Variants in PAX6 observed in about 807,000 individuals in gnomAD.
PAX6 encodes paired box protein Pax-6.
In PAX6, 7 loss-of-function variants were observed where a neutral mutation model predicts 60.7. That is an observed-to-expected ratio of 0.12 (90% CI 0.07 to 0.22). The LOEUF (loss-of-function observed/expected upper bound fraction) is 0.22, where lower values mean the gene tolerates loss of function less well. Ranked by LOEUF, PAX6 falls within the 10% of genes least tolerant of loss-of-function variation. PAX6 has a pLI of 1.00. For missense variants in PAX6, 355 were observed against 555.2 expected (o/e 0.64, Z 3.62); for synonymous variants, 208 against 201.2 (o/e 1.03, Z -0.29).
At chr11:31,807,814 G>A (rs1439531068) in intron 2 of PAX6, 7 of 152,232 alleles carry the variant, frequency 4.6e-5, no homozygotes, top group Admixed American at 4.6e-4. Flanking sequence ...ACTCACAAAG[G>A]GAACAGAGGG....
At chr11:31,816,621 G>A (rs1014501038) in intron 1 of PAX6, 5 of 702,402 alleles carry the variant, frequency 7.1e-6, no homozygotes, top group African/African-American at 3.5e-5. Context: ...AACCCGCGGA[G>A]GAGAGGATCC....
At chr11:31,794,416 CACACCACACACACACACACA>C in intron 9 of PAX6, 194 bp downstream of exon 9, 2 of 511,748 alleles carry the variant, frequency 3.9e-6, no homozygotes, top group Admixed American at 3.6e-5. Context: ...CACACACACA[CACACCACACACACACACACA>C]CACACACACA....
chr11:31,812,491 G>A (rs999970778), upstream of PAX6: 8 of 152,784 alleles, frequency 5.2e-5, no homozygotes, highest in African/African-American at 1.9e-4. Context: ...GAAAACCGGG[G>A]AGGAAAGTAA....
At chr11:31,798,606 T>C (rs1158933898) in intron 8 of PAX6, among the ~76,000 whole-genome samples, 1 of 152,058 alleles carries the variant, frequency 6.6e-6, no homozygotes, top group Admixed American at 6.5e-5. Flanking sequence ...CCCACGCAAC[T>C]AGGGGCGACG....
chr11:31,796,629 T>C (rs1951646047), intron 8 of PAX6, among the ~76,000 whole-genome samples: 2 of 126,614 alleles, frequency 1.6e-5, no homozygotes, highest in African/African-American at 6.2e-5. Context: ...TTGGGGGGCC[T>C]GGGTTAGGGG....
At chr11:31,813,203 C>A (rs1180890063), upstream of PAX6, 1 of 152,048 alleles carries the variant, frequency 6.6e-6, no homozygotes, top group Admixed American at 6.6e-5. Context: ...GCCTCCTGGG[C>A]GAGGTTTCAT....
chr11:31,804,328 A>G (rs1955061900), intron 4 of PAX6: 1 of 152,216 alleles, frequency 6.6e-6, no homozygotes, highest in Non-Finnish European at 1.5e-5. Flanking sequence ...GACCGTGATA[A>G]AACGACCCTT....
At chr11:31,800,553 G>A in intron 8 of PAX6, 138 bp downstream of exon 8, 5 of 1,047,314 alleles carry the variant, frequency 4.8e-6, no homozygotes, top group Middle Eastern at 2.8e-4. Context: ...TGGTCGATGT[G>A]TCCCAGGCCT....
chr11:31,810,718 A>C, intron 2 of PAX6, 110 bp downstream of exon 2: 1 of 397,464 alleles, frequency 2.5e-6, no homozygotes, highest in Non-Finnish European at 4.4e-6. Context: ...CTCCCGGCGT[A>C]GCAGTGGGGG....
intron 3 of PAX6, 43 bp from the exon 4 acceptor site, chr11:31,806,505 C>T (rs968161560): frequency 1.3e-5 from 20 of 1,504,292 alleles, no homozygotes; most frequent in Non-Finnish European, 1.7e-5. Context: ...GCAGCTGCAT[C>T]AGGTAGGCCT....
chr11:31,809,147 C>A (rs527734616), intron 2 of PAX6, among the ~76,000 whole-genome samples: 1 of 152,308 alleles, frequency 6.6e-6, no homozygotes, highest in South Asian at 2.1e-4. Context: ...CGCCCCCAGC[C>A]AAAAGAGTAA....
At chr11:31,796,734 C>A (rs1199055819) in intron 8 of PAX6, among the ~76,000 whole-genome samples, 1 of 151,894 alleles carries the variant, frequency 6.6e-6, no homozygotes, top group Non-Finnish European at 1.5e-5. Context: ...TAAAAAAGGA[C>A]AGAAAAGAAT....
At chr11:31,806,140 T>G (rs2135285850) in intron 4 of PAX6, 3 of 472,878 alleles carry the variant, frequency 6.3e-6, no homozygotes, top group South Asian at 4.1e-5. Flanking sequence ...GGGGATGGGG[T>G]TTCTCTACCG....
In PAX6 at chr11:31,800,864, T is replaced by A; in HGVS notation, c.400-8A>T. ...TCTGTTTATTGATGACACCTGCAAA[T>A]CAAACCAAAATCAAACCAAATGGTA... On this transcript the variant is annotated splice_region_variant and splice_polypyrimidine_tract_variant and intron_variant, in intron 7 of 13. Coordinates refer to ENST00000640368, the MANE Select transcript of PAX6 (RefSeq NM_001368894.2). 6.2e-7 allele frequency: 1 copy of A among 1,612,810 alleles called. No individual in the cohort carries two copies. Among genetic ancestry groups the A allele is most frequent in the Non-Finnish European group, 8.5e-7 (1 of 1,178,992 alleles).
At chr11:31,790,882 T>C (rs1408179355) in intron 12 of PAX6, 22 bp from the exon 13 acceptor site, 1 of 1,612,314 alleles carries the variant, frequency 6.2e-7, no homozygotes, top group African/African-American at 1.3e-5. Flanking sequence ...GAGGCAAACC[T>C]GTGGTTACTG....
At chr11:31,791,976 T>C (rs1165310940) in intron 12 of PAX6, 1 of 152,260 alleles carries the variant, frequency 6.6e-6, no homozygotes, top group Non-Finnish European at 1.5e-5. Context: ...TGATTCCCCA[T>C]ACCGCTCTGT....
At chr11:31,817,554 G>C (rs554239640) in intron 1 of PAX6, among the ~76,000 whole-genome samples, 1 of 152,388 alleles carries the variant, frequency 6.6e-6, no homozygotes, top group African/African-American at 2.4e-5. Context: ...GGCCGGACTG[G>C]AAGTCCACTC....
upstream of PAX6, among the ~76,000 whole-genome samples, chr11:31,815,512 AT>A (rs1489225400): frequency 2.6e-5 from 4 of 151,648 alleles, no homozygotes; most frequent in Admixed American, 6.6e-5. Flanking sequence ...TTACTGGGGG[AT>A]TTGAGGCTGG....
chr11:31,802,438 AT>A (rs920012549), intron 5 of PAX6: 55 of 467,320 alleles, frequency 1.2e-4, no homozygotes, highest in African/African-American at 1.1e-3. Flanking sequence ...AAAGAGAAAG[AT>A]TTTTTTAAAA....
Sources: allele counts gnomAD v4.1 joint callset (sites outside exome capture counted in the v4.1 genomes callset), GRCh38; gene constraint gnomAD v4.1.1; transcripts MANE v1.5; gene names NCBI Gene and HGNC (gene_info 2026-07-23, HGNC 2026-07-21).